The following CEBPG variants were observed in gnomAD, a reference collection of about 807,000 sequenced individuals.
CEBPG encodes CCAAT enhancer binding protein gamma.
CEBPG carries 6 observed loss-of-function variants against 11.1 expected under a neutral mutation model. The observed-to-expected ratio is 0.54, with a 90% CI of 0.30 to 1.07. CEBPG has a LOEUF of 1.07. Ranked by LOEUF, CEBPG falls within the 50% of genes least tolerant of loss-of-function variation. The pLI, the probability that CEBPG is intolerant of heterozygous loss-of-function variation, is 0.07. For synonymous variants in CEBPG, 66 were observed against 71.0 expected (o/e 0.93, Z 0.36); for missense variants, 161 against 187.4 (o/e 0.86, Z 0.82).
intron 1 of CEBPG, among the ~76,000 whole-genome samples, chr19:33,378,296 A>G (rs563886896): frequency 4.4e-4 from 67 of 152,352 alleles, no homozygotes; most frequent in South Asian, 4.1e-4. Flanking sequence ...ATTTGGTAGC[A>G]CGAAGTGGCC....
chr19:33,374,238 C>T (rs1424375807), intron 1 of CEBPG: 2 of 151,748 alleles, frequency 1.3e-5, no homozygotes, highest in African/African-American at 4.8e-5. Flanking sequence ...CCGGCCCCCT[C>T]TCGGTGAAAC....
chr19:33,379,066 GA>G (rs899753754), intron 1 of CEBPG, 77 bp from the exon 2 acceptor site: 1 of 540,444 alleles, frequency 1.9e-6, no homozygotes, highest in African/African-American at 1.9e-5. Flanking sequence ...ATGTTGGCCT[GA>G]TGTTAGGTAC....
rs1472152732 is a variant in CEBPG at position 33,379,511 on chromosome 19, T to G, written c.272T>G (p.Leu91Arg). The change falls in exon 2 of 2, where the codon CTG becomes CGG. Residue 91 changes from leucine to arginine, a missense_variant. Transcript: ENST00000284000. ...AGCAAGCAGAAAGCACAAGACACACTGCAGAGAGTCAATCAGCTCAAAGAA... is the reference window on the plus strand; with the variant it reads ...AGCAAGCAGAAAGCACAAGACACACGGCAGAGAGTCAATCAGCTCAAAGAA... Reference protein sequence around the residue: ...LKSKQKAQDTLQRVNQLKEEN... With the variant: ...LKSKQKAQDTRQRVNQLKEEN... 6.2e-7 allele frequency: 1 copy of G among 1,613,772 alleles called. No individual in the cohort carries two copies. The highest frequency in any genetic ancestry group is 8.5e-7 in the Non-Finnish European group (1 of 1,179,976).
chr19:33,374,197 G>T (rs1486521703), intron 1 of CEBPG: 2 of 150,786 alleles, frequency 1.3e-5, no homozygotes, highest in South Asian at 2.1e-4. Context: ...CCGGGAGCGC[G>T]CGAACGGCCG....
chr19:33,378,140 T>A (rs1410770504), intron 1 of CEBPG, among the ~76,000 whole-genome samples: 8 of 152,216 alleles, frequency 5.3e-5, no homozygotes, highest in Non-Finnish European at 1.2e-4. Flanking sequence ...AGTCACACTT[T>A]TACACTTCTT....
At position 33,379,329 on chromosome 19, in the gene CEBPG, G is replaced by A. The variant is rs767075943; in HGVS notation, c.90G>A (p.Gln30=). 2.5e-6 allele frequency: 4 copies of A among 1,613,706 alleles called. No individual in the cohort carries two copies. In the South Asian group the frequency reaches 4.4e-5, roughly 18 times the overall value. The change falls in exon 2 of 2, where the codon CAG becomes CAA. Residue 30 remains glutamine (Q), a synonymous_variant. Coordinates refer to ENST00000284000, the MANE Select transcript of CEBPG (RefSeq NM_001806.4). ...HTQAHASGLQ[Q]VPQLVPAGPG... ...AGGCACATGCCAGCGGCTTACAGCA[G>A]GTTCCTCAGCTGGTGCCTGCTGGCC...
chr19:33,379,033 A>C lies in CEBPG; in HGVS notation c.-96-111A>C, dbSNP rs1207227080. On this transcript the variant is annotated intron_variant, in intron 1 of 1. Transcript: ENST00000284000. ...TTGGAACAGTTGGCAGTTGCTGTAG[A>C]CTTTTCTCAGCAGAATCAATTAATG... 6 of 474,168 alleles carry C rather than the reference A, an allele frequency of 1.3e-5. No individual in the cohort carries two copies. In the East Asian group the frequency reaches 2.0e-4, roughly 16 times the overall value. 29.4% of individuals were successfully genotyped at this position (474,168 alleles called of 1,614,324 possible). A position where few individuals can be genotyped will look rare whatever the true frequency, so the allele number is the denominator to read the frequency against.
Position 33,379,740 on chromosome 19 carries a change from T to TGGTTAAAA in CEBPG, c.*49_*50insGTTAAAAG. On this transcript the variant is annotated 3_prime_UTR_variant, in exon 2 of 2. Transcript: ENST00000284000. ...GAGCTTGTGGCTTGAATGTTAAAGG[T>TGGTTAAAA]GTGACCACCGACACCACTCATGTCA... 2 of 1,508,080 alleles carry TGGTTAAAA rather than the reference T, an allele frequency of 1.3e-6. No individual in the cohort carries two copies. The highest frequency in any genetic ancestry group is 1.8e-6 in the Non-Finnish European group (2 of 1,115,696). The allele number at this position is 1,508,080 out of a possible 1,614,324, so 93.4% of individuals were successfully genotyped here.
At position 33,379,469 on chromosome 19, in the gene CEBPG, A is replaced by G. The variant is rs769890575; in HGVS notation, c.230A>G (p.Lys77Arg). ...QRRERNNMAV[K>R]KSRLKSKQKA... ...CGAGAGAGGAACAACATGGCTGTGAAAAAGAGCCGGTTGAAAAGCAAGCAG... is the reference window on the plus strand; with the variant it reads ...CGAGAGAGGAACAACATGGCTGTGAGAAAGAGCCGGTTGAAAAGCAAGCAG... Residue 77 changes from lysine (K) to arginine (R), a missense_variant, in exon 2 of 2, where the codon AAA becomes AGA. Coordinates refer to ENST00000284000, the MANE Select transcript of CEBPG (RefSeq NM_001806.4). 2.1e-5 allele frequency: 34 copies of G among 1,614,054 alleles called. No homozygotes were observed. The highest frequency in any genetic ancestry group is 2.9e-5 in the Non-Finnish European group (34 of 1,180,054).
intron 1 of CEBPG, among the ~76,000 whole-genome samples, chr19:33,377,621 C>A (rs1214968923): frequency 6.6e-6 from 1 of 152,174 alleles, no homozygotes; most frequent in Non-Finnish European, 1.5e-5. Flanking sequence ...AGCCACTTTT[C>A]TACTGGAAGA....
intron 1 of CEBPG, among the ~76,000 whole-genome samples, chr19:33,378,538 G>C (rs534236729): frequency 6.6e-6 from 1 of 152,192 alleles, no homozygotes; most frequent in Non-Finnish European, 1.5e-5. Context: ...CAGTAAATTT[G>C]GTTAAACTGT....
chr19:33,379,848 T>C lies in CEBPG; in HGVS notation c.*156T>C, dbSNP rs542683781. Reference sequence around the variant, plus strand: ...GATCAGCACTGAAGAGTTGATTAGCTAAAAATGTTAGCCTTGTAATTCGAA... The same window carrying C: ...GATCAGCACTGAAGAGTTGATTAGCCAAAAATGTTAGCCTTGTAATTCGAA... On this transcript the variant is annotated 3_prime_UTR_variant, in exon 2 of 2. Transcript: ENST00000284000. 8.1e-5 allele frequency: 50 copies of C among 618,614 alleles called. No individual in the cohort carries two copies. The African/African-American group carries it at 8.7e-4, about 11-fold the overall frequency. The allele number at this position is 618,614 out of a possible 1,614,324, so 38.3% of individuals were successfully genotyped here.
In CEBPG at chr19:33,379,753, A is replaced by AG; in HGVS notation, c.*61_*62insG. On this transcript the variant is annotated 3_prime_UTR_variant, in exon 2 of 2. Transcript: ENST00000284000. The stretch of plus-strand genomic sequence containing the variant: ...GAATGTTAAAGGTGTGACCACCGAC[A>AG]CCACTCATGTCAATGGCTGAAAGTT... The AG allele has an allele frequency of 1.4e-6, 2 of 1,437,128 alleles. No individual in the cohort carries two copies. Among genetic ancestry groups the AG allele is most frequent in the Non-Finnish European group, 1.9e-6 (2 of 1,061,318 alleles). The allele number at this position is 1,437,128 out of a possible 1,614,324, so 89.0% of individuals were successfully genotyped here.
At chr19:33,378,960 C>T (rs1304268271) in intron 1 of CEBPG, among the ~76,000 whole-genome samples, 184 bp from the exon 2 acceptor site, 1 of 152,234 alleles carries the variant, frequency 6.6e-6, no homozygotes, top group Non-Finnish European at 1.5e-5. Context: ...GATGGTGCTT[C>T]TGTGCTTACT....
rs867621889 is a variant in CEBPG, at chr19:33,379,187, A to G, written c.-53A>G. 7.5e-6 allele frequency: 11 copies of G among 1,466,420 alleles called. No individual in the cohort carries two copies. In the Middle Eastern group the frequency reaches 1.6e-3, roughly 217 times the overall value. The allele number at this position is 1,466,420 out of a possible 1,614,324, so 90.8% of individuals were successfully genotyped here. A position where few individuals can be genotyped will look rare whatever the true frequency, so the allele number is the denominator to read the frequency against. On this transcript the variant is annotated 5_prime_UTR_variant, in exon 2 of 2. Coordinates refer to ENST00000284000, the MANE Select transcript of CEBPG (RefSeq NM_001806.4). Reference sequence around the variant, plus strand: ...TGGCAGCTTAGCGTGGAAACCATTGATCACCCTGCTCTCATTTCTACCTGT... The same window carrying G: ...TGGCAGCTTAGCGTGGAAACCATTGGTCACCCTGCTCTCATTTCTACCTGT...
rs192926319 is a variant in CEBPG at position 33,381,843 on chromosome 19, A to T, written c.*2151A>T. Reference sequence around the variant, plus strand: ...TGGAAAAATGGGTTCAAGCTTTCCTATTAGCCATGGAAATGCAAAGTTTAG... The same window carrying T: ...TGGAAAAATGGGTTCAAGCTTTCCTTTTAGCCATGGAAATGCAAAGTTTAG... On this transcript the variant is annotated 3_prime_UTR_variant, in exon 2 of 2. Coordinates refer to ENST00000284000, the MANE Select transcript of CEBPG (RefSeq NM_001806.4). 6.0e-6 allele frequency: 1 copy of T among 167,144 alleles called. No homozygotes were observed. Among genetic ancestry groups the T allele is most frequent in the Non-Finnish European group, 1.5e-5 (1 of 68,124 alleles). 10.4% of individuals were successfully genotyped at this position (167,144 alleles called of 1,614,324 possible). A position where few individuals can be genotyped will look rare whatever the true frequency, so the allele number is the denominator to read the frequency against.
chr19:33,375,744 C>G (rs988723238), intron 1 of CEBPG, among the ~76,000 whole-genome samples: 3 of 152,108 alleles, frequency 2.0e-5, no homozygotes, highest in Non-Finnish European at 2.9e-5. Flanking sequence ...GTTGACAGAC[C>G]TAGGGAACAA....
intron 1 of CEBPG, among the ~76,000 whole-genome samples, chr19:33,377,063 C>T (rs938272426): frequency 6.6e-6 from 1 of 152,234 alleles, no homozygotes; most frequent in Non-Finnish European, 1.5e-5. Flanking sequence ...CTACCACACA[C>T]GTTCAGCCTA....
intron 1 of CEBPG, among the ~76,000 whole-genome samples, chr19:33,378,594 C>T (rs752741531): frequency 2.5e-4 from 38 of 152,060 alleles, no homozygotes; most frequent in Non-Finnish European, 4.9e-4. Context: ...AAAAAACTAC[C>T]TTTTCAAAAT....
Sources: allele counts gnomAD v4.1 joint callset (sites outside exome capture counted in the v4.1 genomes callset), GRCh38; gene constraint gnomAD v4.1.1; transcripts MANE v1.5; gene names NCBI Gene and HGNC (gene_info 2026-07-23, HGNC 2026-07-21).